Variants in DPCD observed in about 807,000 individuals in gnomAD.
DPCD encodes deleted in primary ciliary dyskinesia homolog (mouse), also known as protein DPCD.
DPCD carries 20 observed loss-of-function variants against 26.4 expected under a neutral mutation model. The observed-to-expected ratio is 0.76, with a 90% confidence interval of 0.53 to 1.10. The LOEUF (loss-of-function observed/expected upper bound fraction) is 1.10. Among genes scored for constraint, DPCD ranks in the 50% least tolerant of loss-of-function variants. DPCD has a pLI of 0.00. For synonymous variants in DPCD, 97 were observed against 94.2 expected (o/e 1.03, Z -0.17); for missense variants, 202 against 253.9 (o/e 0.80, Z 1.39).
At chr10:101,608,376 A>G (rs1370469220) in intron 4 of DPCD, among the ~76,000 whole-genome samples, 1 of 152,268 alleles carries the variant, frequency 6.6e-6, no homozygotes, top group Non-Finnish European at 1.5e-5. Context: ...TGGACCTCCC[A>G]TGTAAATGGT....
At position 101,603,738 on chromosome 10, in the gene DPCD, C is replaced by G. The variant is rs983901985; in HGVS notation, c.404+2402C>G. On this transcript the variant is annotated intron_variant, in intron 4 of 5. Transcript: ENST00000370151. This position sits in a 1 kb window ranked among gnomAD's most constrained non-coding sequence, Gnocchi z 4.6. Reference sequence around the variant, plus strand: ...TGCCATTGCACTCCAGCCTGGGTGACAGAGTGAGACTCCATCTCAAAAAAA... The same window carrying G: ...TGCCATTGCACTCCAGCCTGGGTGAGAGAGTGAGACTCCATCTCAAAAAAA... 1.3e-5 allele frequency among the ~76,000 whole-genome samples: 2 copies of G among 149,860 alleles called. No individual in the cohort carries two copies. Among genetic ancestry groups the G allele is most frequent in the African/African-American group, 4.9e-5 (2 of 40,428 alleles).
chr10:101,601,115 T>G (rs933348803), intron 3 of DPCD, 88 bp from the exon 4 acceptor site: 2 of 1,574,998 alleles, frequency 1.3e-6, no homozygotes, highest in Non-Finnish European at 1.7e-6. Context: ...GAGCTGAGGG[T>G]CTTGTTGTGC....
intron 2 of DPCD, among the ~76,000 whole-genome samples, chr10:101,598,070 A>G (rs969716215): frequency 2.0e-5 from 3 of 152,204 alleles, no homozygotes; most frequent in Non-Finnish European, 2.9e-5. Context: ...TCAGCAGCTG[A>G]CTTTCTTCCT....
At chr10:101,588,579 G>A in intron 1 of DPCD, 179 bp downstream of exon 1, 1 of 1,429,102 alleles carries the variant, frequency 7.0e-7, no homozygotes, top group South Asian at 1.5e-5. Flanking sequence ...TGGAACACAT[G>A]TCTCCGGACA....
chr10:101,590,389 T>C (rs1002171366), intron 1 of DPCD, among the ~76,000 whole-genome samples: 3 of 152,130 alleles, frequency 2.0e-5, no homozygotes, highest in East Asian at 1.9e-4. Flanking sequence ...AGATCTCTTA[T>C]GCCTTGCTAA....
chr10:101,609,343 T>C (rs1237320808), intron 5 of DPCD, 24 bp from the exon 6 acceptor site: 22 of 1,612,166 alleles, frequency 1.4e-5, no homozygotes, highest in Non-Finnish European at 1.8e-5. Context: ...TGAATTATTT[T>C]CTTATTCCTG....
chr10:101,588,321 G>A lies in DPCD; in HGVS notation c.-16G>A. 1 of 1,599,832 alleles carries A rather than the reference G, an allele frequency of 6.3e-7. No homozygotes were observed. The highest frequency in any genetic ancestry group is 8.5e-7 in the Non-Finnish European group (1 of 1,172,526). On this transcript the variant is annotated 5_prime_UTR_variant, in exon 1 of 6. Transcript: ENST00000370151. The stretch of plus-strand genomic sequence containing the variant: ...TGCCATGGCAGCGGCTGGGCGTGCT[G>A]CTTAGCAGGGGAAAGATGGCGGTGA...
In DPCD at chr10:101,600,465, T is replaced by A. The variant is rs1254996607; in HGVS notation, c.146-273T>A. Among the ~76,000 whole-genome samples the A allele has an allele frequency of 6.6e-6, 1 of 152,208 alleles. No homozygotes were observed. Among genetic ancestry groups the A allele is most frequent in the African/African-American group, 2.4e-5 (1 of 41,446 alleles). On this transcript the variant is annotated intron_variant, in intron 2 of 5. Transcript: ENST00000370151. The surrounding 1 kb of genome is among the most constrained non-coding windows in gnomAD (Gnocchi z 4.7). ...AGGGTTTCTTGACTCCACTTGGCTC[T>A]TCTCAGAGCTTCATTCCAGTTCCTT...
At position 101,608,816 on chromosome 10, in the gene DPCD, C is replaced by T. The variant is rs1195469546; in HGVS notation, c.405-19C>T. On this transcript the variant is annotated intron_variant, in intron 4 of 5. Transcript: ENST00000370151. Reference sequence around the variant, plus strand: ...GTCACCTTGCCGAGTGCCCCAATGGCCTCTCGGTGTCCCCACAGGTACTAC... The same window carrying T: ...GTCACCTTGCCGAGTGCCCCAATGGTCTCTCGGTGTCCCCACAGGTACTAC... The T allele has an allele frequency of 6.3e-7, 1 of 1,577,786 alleles. No individual in the cohort carries two copies. Among genetic ancestry groups the T allele is most frequent in the Non-Finnish European group, 8.7e-7 (1 of 1,147,978 alleles).
chr10:101,608,173 T>C (rs1589730618), intron 4 of DPCD, among the ~76,000 whole-genome samples: 1 of 152,114 alleles, frequency 6.6e-6, no homozygotes, highest in South Asian at 2.1e-4. Context: ...CCATGTGTGA[T>C]ATGTAAAAAT....
chr10:101,597,298 G>A (rs961972164), intron 2 of DPCD, among the ~76,000 whole-genome samples: 4 of 152,176 alleles, frequency 2.6e-5, no homozygotes, highest in Non-Finnish European at 5.9e-5. Context: ...TGACCCACTC[G>A]ATTCCCTTCG....
At chr10:101,588,468 T>C in intron 1 of DPCD, 68 bp downstream of exon 1, 3 of 1,542,276 alleles carry the variant, frequency 1.9e-6, no homozygotes, top group African/African-American at 1.4e-5. Context: ...GGGAAGGGCC[T>C]CAGGGCCTGG....
At chr10:101,598,466 G>A (rs895956787) in intron 2 of DPCD, among the ~76,000 whole-genome samples, 8 of 152,060 alleles carry the variant, frequency 5.3e-5, no homozygotes, top group African/African-American at 1.4e-4. Context: ...GAGTTTAGCC[G>A]TGGCATTTGT....
At chr10:101,598,094 C>G (rs770714828) in intron 2 of DPCD, among the ~76,000 whole-genome samples, 4 of 152,168 alleles carry the variant, frequency 2.6e-5, no homozygotes, top group African/African-American at 9.7e-5. Flanking sequence ...TTGAGTACTT[C>G]TTGGGAAGTT....
At chr10:101,594,808 T>C (rs1304594195) in intron 2 of DPCD, 70 bp downstream of exon 2, 1 of 1,442,506 alleles carries the variant, frequency 6.9e-7, no homozygotes. Flanking sequence ...TGAACACTCC[T>C]AGCCTTAGGC....
At chr10:101,607,446 C>G (rs184695696) in intron 4 of DPCD, among the ~76,000 whole-genome samples, 1 of 152,322 alleles carries the variant, frequency 6.6e-6, no homozygotes, top group East Asian at 1.9e-4. Flanking sequence ...GCCCCCACTC[C>G]TTTTGAACTG....
chr10:101,592,994 C>T (rs2063622707), intron 1 of DPCD, among the ~76,000 whole-genome samples: 1 of 130,608 alleles, frequency 7.7e-6, no homozygotes, highest in African/African-American at 2.8e-5. Flanking sequence ...AGCCTGGCGA[C>T]AGAGCGAGAC....
chr10:101,594,649 T>G lies in DPCD; in HGVS notation c.65-9T>G. ...CTTTGAGGTAAGGCATTCTCTGTTT[T>G]GTGCATAGGGAGAAGGAAGGTTCAC... On this transcript the variant is annotated splice_polypyrimidine_tract_variant and intron_variant, in intron 1 of 5. Transcript: ENST00000370151. The G allele has an allele frequency of 6.2e-7, 1 of 1,613,954 alleles. No individual in the cohort carries two copies. The highest frequency in any genetic ancestry group is 2.2e-5 in the East Asian group (1 of 44,884).
intron 2 of DPCD, among the ~76,000 whole-genome samples, chr10:101,599,871 G>A (rs1354956713): frequency 6.6e-6 from 1 of 152,204 alleles, no homozygotes; most frequent in Non-Finnish European, 1.5e-5. Flanking sequence ...GAAGGGAAAG[G>A]AACTGGGGGA....
Sources: allele counts gnomAD v4.1 joint callset (sites outside exome capture counted in the v4.1 genomes callset), GRCh38; gene constraint gnomAD v4.1.1; non-coding constraint Gnocchi (gnomAD v3.1); transcripts MANE v1.5; gene names NCBI Gene and HGNC (gene_info 2026-07-23, HGNC 2026-07-21).